The following ZBTB20 variants were observed in gnomAD, a reference collection of about 807,000 sequenced individuals.
ZBTB20 encodes the protein zinc finger and BTB domain containing 20.
Under a neutral mutation model 56.9 loss-of-function variants are expected in ZBTB20, and 9 were observed. That is an observed-to-expected ratio of 0.16 (90% confidence interval 0.10 to 0.28). ZBTB20 has a LOEUF of 0.28. Among genes scored for constraint, ZBTB20 ranks in the 10% least tolerant of loss-of-function variants. The probability of loss-of-function intolerance (pLI) is 1.00; values close to 1 mark genes in which losing one functional copy is unlikely to be tolerated. For missense variants in ZBTB20, 655 were observed against 1,003.0 expected (o/e 0.65, Z 4.69); for synonymous variants, 417 against 420.7 (o/e 0.99, Z 0.11).
At chr3:114,374,887 A>T (rs2083436683) in intron 10 of ZBTB20, among the ~76,000 whole-genome samples, 1 of 152,172 alleles carries the variant, frequency 6.6e-6, no homozygotes, top group East Asian at 1.9e-4. Flanking sequence ...TGCCTCAGGA[A>T]GTTTTTGGAA....
At chr3:114,731,442 G>T (rs557630951) in intron 5 of ZBTB20, among the ~76,000 whole-genome samples, 1 of 152,130 alleles carries the variant, frequency 6.6e-6, no homozygotes, top group South Asian at 2.1e-4. Context: ...TTTGGAATTC[G>T]ATTACTTCAT....
intron 3 of ZBTB20, among the ~76,000 whole-genome samples, chr3:114,917,874 C>T (rs12107814): frequency 0.12 from 16,947 of 145,750 alleles, 1,032 homozygotes; most frequent in Admixed American, 0.21. Flanking sequence ...ACTATAACCA[C>T]TATTTGGCTG....
intron 3 of ZBTB20, among the ~76,000 whole-genome samples, chr3:114,905,378 T>C (rs1273811987): frequency 6.6e-6 from 1 of 151,864 alleles, no homozygotes; most frequent in African/African-American, 2.4e-5. Context: ...AGTTTAGATA[T>C]TATCTCCTCC....
chr3:114,824,522 T>G (rs1005779494), intron 4 of ZBTB20, among the ~76,000 whole-genome samples: 8 of 151,976 alleles, frequency 5.3e-5, no homozygotes, highest in African/African-American at 1.9e-4. Context: ...TTCCAATAAA[T>G]TTTGGTGACA....
chr3:114,757,965 A>C (rs188225175), intron 5 of ZBTB20, among the ~76,000 whole-genome samples: 6 of 152,152 alleles, frequency 3.9e-5, no homozygotes, highest in Non-Finnish European at 7.4e-5. Flanking sequence ...ATTATTAATT[A>C]GTTAATTTAG....
chr3:114,784,176 T>C (rs868821318), intron 5 of ZBTB20, among the ~76,000 whole-genome samples: 21 of 152,290 alleles, frequency 1.4e-4, no homozygotes, highest in Admixed American at 2.6e-4. Flanking sequence ...TTTGGAGGAA[T>C]AGAACTTTTT....
At chr3:114,509,280 C>T (rs1190237460) in intron 6 of ZBTB20, among the ~76,000 whole-genome samples, 1 of 152,074 alleles carries the variant, frequency 6.6e-6, no homozygotes, top group Non-Finnish European at 1.5e-5. Context: ...ACAACTTGCT[C>T]TCAGTTTGCT....
chr3:114,369,884 T>C (rs2082816546), intron 10 of ZBTB20, among the ~76,000 whole-genome samples: 1 of 152,222 alleles, frequency 6.6e-6, no homozygotes, highest in African/African-American at 2.4e-5. Context: ...GTTAAGATGA[T>C]TTAAATGTTC....
At chr3:114,928,176 C>T (rs181039056) in intron 3 of ZBTB20, among the ~76,000 whole-genome samples, 23 of 152,320 alleles carry the variant, frequency 1.5e-4, no homozygotes, top group Admixed American at 1.4e-3. Flanking sequence ...GCAGTTTTAT[C>T]TCCGTCTTCC....
intron 6 of ZBTB20, among the ~76,000 whole-genome samples, chr3:114,616,534 C>G (rs1336889412): frequency 6.6e-6 from 1 of 152,140 alleles, no homozygotes; most frequent in Admixed American, 6.6e-5. Flanking sequence ...ATAATAGTTG[C>G]TCATGATAAT....
chr3:114,399,638 G>A (rs564195646), intron 7 of ZBTB20, among the ~76,000 whole-genome samples: 36 of 152,272 alleles, frequency 2.4e-4, no homozygotes, highest in African/African-American at 8.7e-4. Flanking sequence ...ACACATGTGA[G>A]AGTGAAAATG....
rs530027634 is a variant in ZBTB20 at position 115,038,906 on chromosome 3, A to G, written c.-507+32313T>C. 3.3e-5 allele frequency among the ~76,000 whole-genome samples: 5 copies of G among 152,152 alleles called. No homozygotes were observed. The East Asian group carries it at 9.6e-4, about 29-fold the overall frequency. ...CCATTGCATTATATCAAAGTTATGC[A>G]ATTTTTTACCTTTTTATTATTATTT... On this transcript the variant is annotated intron_variant, in intron 2 of 11. Transcript: ENST00000675478.
intron 1 of ZBTB20, among the ~76,000 whole-genome samples, chr3:115,140,299 T>C (rs1350742591): frequency 2.6e-5 from 4 of 152,030 alleles, no homozygotes; most frequent in Non-Finnish European, 4.4e-5. Context: ...ATATGAGAGA[T>C]TGAAAAGGTA....
At chr3:114,492,067 C>T (rs2042814239) in intron 7 of ZBTB20, among the ~76,000 whole-genome samples, 1 of 152,148 alleles carries the variant, frequency 6.6e-6, no homozygotes, top group Non-Finnish European at 1.5e-5. Context: ...TTTCCTGCCA[C>T]CTTCTTGGTG....
intron 6 of ZBTB20, among the ~76,000 whole-genome samples, chr3:114,667,295 G>A (rs1476016920): frequency 6.6e-6 from 1 of 151,930 alleles, no homozygotes; most frequent in Non-Finnish European, 1.5e-5. Context: ...TAAAAAATAT[G>A]CCTACATATA....
At chr3:114,989,373 T>G (rs1014332626) in intron 2 of ZBTB20, among the ~76,000 whole-genome samples, 12 of 152,242 alleles carry the variant, frequency 7.9e-5, no homozygotes, top group African/African-American at 2.9e-4. Context: ...TTTCCCTATT[T>G]CTTGTTTTTG....
chr3:114,803,365 C>T (rs2071863172), intron 4 of ZBTB20, among the ~76,000 whole-genome samples: 1 of 151,862 alleles, frequency 6.6e-6, no homozygotes, highest in South Asian at 2.1e-4. Flanking sequence ...ACGAGGAGAA[C>T]TGAAATTTAT....
chr3:115,043,930 A>C (rs575753764), intron 2 of ZBTB20, among the ~76,000 whole-genome samples: 126 of 152,210 alleles, frequency 8.3e-4, no homozygotes, highest in Middle Eastern at 3.4e-3. Flanking sequence ...CTCCTTGGTA[A>C]TAAGTGAGCT....
At chr3:115,009,083 T>C (rs1024155826) in intron 2 of ZBTB20, among the ~76,000 whole-genome samples, 2 of 150,708 alleles carry the variant, frequency 1.3e-5, no homozygotes, top group African/African-American at 2.5e-5. Flanking sequence ...TTGAACATTA[T>C]CTACTGGGTT....
Sources: gnomAD v4.1 joint callset for allele counts (sites outside exome capture counted in the v4.1 genomes callset) on GRCh38, gnomAD v4.1.1 for gene constraint, MANE v1.5 for transcripts, NCBI Gene and HGNC (gene_info 2026-07-23, HGNC 2026-07-21) for gene names.